TMEM87A: variants seen among roughly 807,000 people sequenced by gnomAD.
TMEM87A encodes the protein Golgi-pH regulating cation channel.
Under a neutral mutation model 90.0 loss-of-function variants are expected in TMEM87A, and 50 were observed. The observed-to-expected ratio is 0.56, with a 90% CI of 0.44 to 0.70. The LOEUF (loss-of-function observed/expected upper bound fraction) is 0.70, where lower values mean the gene tolerates loss of function less well. TMEM87A is among the 30% of genes least tolerant of loss of function. The pLI is 0.00. For synonymous variants in TMEM87A, 226 were observed against 226.7 expected (o/e 1.00, Z 0.03); for missense variants, 577 against 660.5 (o/e 0.87, Z 1.39).
intron 2 of TMEM87A, among the ~76,000 whole-genome samples, chr15:42,270,447 A>T (rs950222219): frequency 6.6e-6 from 1 of 152,090 alleles, no homozygotes; most frequent in Non-Finnish European, 1.5e-5. Flanking sequence ...ATACGCAGTT[A>T]GGGCTGGGCA....
rs528171476 is a variant in TMEM87A at position 42,213,320 on chromosome 15, T to C, written c.1627-1571A>G. Among the ~76,000 whole-genome samples the C allele has an allele frequency of 3.1e-3, 472 of 152,338 alleles. 1 individual carries two copies. The highest frequency in any genetic ancestry group is 0.016 in the South Asian group (78 of 4,824). On this transcript the variant is annotated intron_variant, in intron 19 of 19. Transcript: ENST00000389834. ...AGTTGCTGAAATCAAAGTGGAAGTTTGGACTAGCAAGCATGAGCTCACTAC... is the reference window on the plus strand; with the variant it reads ...AGTTGCTGAAATCAAAGTGGAAGTTCGGACTAGCAAGCATGAGCTCACTAC...
chr15:42,258,209 C>T, intron 6 of TMEM87A: 1 of 949,402 alleles, frequency 1.1e-6, no homozygotes, highest in Non-Finnish European at 1.3e-6. Context: ...ACGACATGTC[C>T]ATGTTATATT....
In TMEM87A at chr15:42,264,078, T is replaced by G. The variant is rs951603913; in HGVS notation, c.405+12A>C. ...CCTATTCTATTTATCTCCAATCACT[T>G]TCAAAGATTACCTGTGTTTTAAAGA... On this transcript the variant is annotated intron_variant, in intron 4 of 19. Coordinates refer to ENST00000389834, the MANE Select transcript of TMEM87A (RefSeq NM_015497.5). 3.1e-6 allele frequency: 5 copies of G among 1,603,782 alleles called. No homozygotes were observed. Among genetic ancestry groups the G allele is most frequent in the Non-Finnish European group, 4.3e-6 (5 of 1,173,184 alleles).
chr15:42,244,229 T>C (rs1196105759), intron 6 of TMEM87A, 62 bp from the exon 7 acceptor site: 8 of 1,173,750 alleles, frequency 6.8e-6, no homozygotes, highest in African/African-American at 3.2e-5. Context: ...AAATTAATAA[T>C]ACAATATGCA....
chr15:42,239,723 C>A lies in TMEM87A; in HGVS notation c.631G>T (p.Glu211Ter). 6.2e-7 allele frequency: 1 copy of A among 1,613,654 alleles called. No individual in the cohort carries two copies. The highest frequency in any genetic ancestry group is 8.5e-7 in the Non-Finnish European group (1 of 1,179,602). ...SLSNLFTMTV[E>*]VKGPYEYLTL... ...AGGTATTCATAGGGACCCTTCACTT[C>A]AACAGTCACTGCCAAAACAGAGTCC... Residue 211 changes from glutamate to a stop codon, truncating the protein, a stop_gained, in exon 8 of 20, where the codon GAA (glutamate) becomes TAA (stop). Coordinates refer to ENST00000389834, the MANE Select transcript of TMEM87A (RefSeq NM_015497.5). LOFTEE classifies it high-confidence loss of function.
chr15:42,243,512 ATTTTTT>A (rs375255055), intron 7 of TMEM87A, among the ~76,000 whole-genome samples: 1 of 129,580 alleles, frequency 7.7e-6, no homozygotes, highest in Non-Finnish European at 1.6e-5. Context: ...ATGTTAATTA[ATTTTTT>A]TTTTTTTTTT....
chr15:42,237,872 C>T (rs1185509637), intron 8 of TMEM87A, among the ~76,000 whole-genome samples: 1 of 152,064 alleles, frequency 6.6e-6, no homozygotes, highest in African/African-American at 2.4e-5. Context: ...TATATTCTAC[C>T]TTCTAGTTAA....
intron 15 of TMEM87A, among the ~76,000 whole-genome samples, chr15:42,221,992 C>T (rs1189167745): frequency 6.6e-6 from 1 of 152,150 alleles, no homozygotes; most frequent in Admixed American, 6.5e-5. Context: ...TGGGCTCAAG[C>T]AATCCTCCCG....
intron 3 of TMEM87A, among the ~76,000 whole-genome samples, chr15:42,267,326 T>C (rs2051426356): frequency 6.6e-6 from 1 of 152,224 alleles, no homozygotes; most frequent in African/African-American, 2.4e-5. Flanking sequence ...TCATTAATAT[T>C]TCAGATTCCA....
chr15:42,221,082 C>T (rs368590920), intron 15 of TMEM87A, among the ~76,000 whole-genome samples: 3 of 152,150 alleles, frequency 2.0e-5, no homozygotes, highest in South Asian at 4.1e-4. Flanking sequence ...CCGCCCGCCA[C>T]GGCCTCCCAA....
At chr15:42,220,833 C>T (rs922470533) in intron 15 of TMEM87A, among the ~76,000 whole-genome samples, 1 of 151,964 alleles carries the variant, frequency 6.6e-6, no homozygotes, top group African/African-American at 2.4e-5. Flanking sequence ...GCTCTGTCGC[C>T]CAGGCTGGAG....
intron 19 of TMEM87A, among the ~76,000 whole-genome samples, chr15:42,216,255 C>G (rs2050381903): frequency 6.6e-6 from 1 of 152,052 alleles, no homozygotes; most frequent in South Asian, 2.1e-4. Flanking sequence ...TGCTATTCAA[C>G]AGGTATAAAA....
intron 6 of TMEM87A, among the ~76,000 whole-genome samples, chr15:42,259,959 C>T (rs1440251428): frequency 6.6e-6 from 1 of 152,076 alleles, no homozygotes; most frequent in Non-Finnish European, 1.5e-5. Flanking sequence ...AGGAGAAATG[C>T]GGAGTGACTG....
chr15:42,261,978 A>G (rs910156253), intron 4 of TMEM87A: 19 of 152,200 alleles, frequency 1.2e-4, no homozygotes, highest in African/African-American at 4.6e-4. Context: ...CCCTTCCACC[A>G]TACTACATTT....
intron 15 of TMEM87A, among the ~76,000 whole-genome samples, chr15:42,225,593 C>A (rs1678991): frequency 0.69 from 104,919 of 152,052 alleles, 40,064 homozygotes; most frequent in Non-Finnish European, 0.86. Context: ...AGTGCAGTGG[C>A]GCCATCTCGC....
At chr15:42,269,329 A>C (rs7161982) in intron 2 of TMEM87A, among the ~76,000 whole-genome samples, 147,637 of 152,296 alleles carry the variant, frequency 0.97, 71,679 homozygotes, top group Non-Finnish European at 1. Flanking sequence ...TAACAAAAGA[A>C]GCAACCTAAT....
chr15:42,273,214 T>C (rs772623318), intron 1 of TMEM87A, 41 bp downstream of exon 1: 2 of 1,610,260 alleles, frequency 1.2e-6, no homozygotes, highest in East Asian at 4.5e-5. Flanking sequence ...GCCCCACCCC[T>C]TGCTCCTCTA....
intron 14 of TMEM87A, 81 bp downstream of exon 14, chr15:42,227,630 T>TAGA (rs1174370340): frequency 2.3e-6 from 3 of 1,322,084 alleles, no homozygotes; most frequent in Non-Finnish European, 3.2e-6. Flanking sequence ...GTATATAACT[T>TAGA]AGAAGAACCT....
At chr15:42,246,653 A>G (rs1479111290) in intron 6 of TMEM87A, among the ~76,000 whole-genome samples, 1 of 152,170 alleles carries the variant, frequency 6.6e-6, no homozygotes, top group African/African-American at 2.4e-5. Flanking sequence ...ATAGTATTCC[A>G]TGGTGTATAT....
Sources: allele counts gnomAD v4.1 joint callset (sites outside exome capture counted in the v4.1 genomes callset), GRCh38; gene constraint gnomAD v4.1.1; transcripts MANE v1.5; gene names NCBI Gene and HGNC (gene_info 2026-07-23, HGNC 2026-07-21).